The following SCARF1 variants were observed in gnomAD, a reference collection of about 807,000 sequenced individuals.
SCARF1 encodes acetyl LDL receptor.
In SCARF1, 49 loss-of-function variants were observed where a neutral mutation model predicts 76.3. The ratio of observed to expected loss-of-function variants is 0.64; its 90% confidence interval spans 0.51 to 0.81. The LOEUF (loss-of-function observed/expected upper bound fraction) is 0.81, where lower values mean the gene tolerates loss of function less well. Ranked by LOEUF, SCARF1 falls within the 40% of genes least tolerant of loss-of-function variation. The pLI is 0.00. For synonymous variants in SCARF1, 495 were observed against 474.6 expected, an observed-to-expected ratio of 1.04 and a Z score of -0.56; for missense variants, 1,098 against 1,143.9, an observed-to-expected ratio of 0.96 and a Z score of 0.58.
chr17:1,644,344 G>A lies in SCARF1; in HGVS notation c.266-377C>T. The A allele has an allele frequency of 3.5e-6, 1 of 284,086 alleles. No homozygotes were observed. The highest frequency in any genetic ancestry group is 6.6e-6 in the Non-Finnish European group (1 of 151,336). The allele number at this position is 284,086 out of a possible 1,614,324, so 17.6% of individuals were successfully genotyped here. Reference sequence around the variant, plus strand: ...AGAGCTGGCTTTCTCCTGATCTCAGGCCTGGATACTGCCCGCCAGGGTGTC... The same window carrying A: ...AGAGCTGGCTTTCTCCTGATCTCAGACCTGGATACTGCCCGCCAGGGTGTC... On this transcript the variant is annotated intron_variant, in intron 3 of 10. Coordinates refer to ENST00000263071, the MANE Select transcript of SCARF1 (RefSeq NM_003693.4). The surrounding 1 kb of genome is among the most constrained non-coding windows in gnomAD (Gnocchi z 4.8).
intron 8 of SCARF1, 163 bp downstream of exon 8, chr17:1,638,643 C>A (rs1598516890): frequency 1.0e-6 from 1 of 975,216 alleles, no homozygotes; most frequent in East Asian, 3.0e-5. Context: ...CCCCCATCAC[C>A]TCTGACCCAC....
At chr17:1,641,904 T>C (rs778357030) in intron 4 of SCARF1, among the ~76,000 whole-genome samples, 2 of 152,090 alleles carry the variant, frequency 1.3e-5, no homozygotes, top group African/African-American at 2.4e-5. Flanking sequence ...GTATTTTTAG[T>C]AGAGACGAGG....
chr17:1,643,900 G>C lies in SCARF1; in HGVS notation c.333C>G (p.Cys111Trp). Residue 111 changes from cysteine (C) to tryptophan (W), a missense_variant, in exon 4 of 11, where the codon TGC becomes TGG. Cys to Trp is a radical substitution (Grantham distance 215). Coordinates refer to ENST00000263071, the MANE Select transcript of SCARF1 (RefSeq NM_003693.4). ...ACTGGCACGCGCCCGTGGCTGGCTCGCACTGGCCGTGCGGGTGGCAGGGGC... is the reference window on the plus strand; with the variant it reads ...ACTGGCACGCGCCCGTGGCTGGCTCCCACTGGCCGTGCGGGTGGCAGGGGC... ...ESCPCHPHGQ[C>W]EPATGACQCQ... 1 of 1,331,120 alleles carries C rather than the reference G, an allele frequency of 7.5e-7. No homozygotes were observed. The highest frequency in any genetic ancestry group is 9.6e-7 in the Non-Finnish European group (1 of 1,044,546). The allele number at this position is 1,331,120 out of a possible 1,614,324, so 82.5% of individuals were successfully genotyped here.
At chr17:1,635,757 A>G in intron 10 of SCARF1, 140 bp from the exon 11 acceptor site, 1 of 987,098 alleles carries the variant, frequency 1.0e-6, no homozygotes, top group Non-Finnish European at 1.4e-6. Flanking sequence ...CAGAAGGACC[A>G]ATTCAGGTAG....
Position 1,635,136 on chromosome 17 carries a change from G to A in SCARF1, c.2115C>T (p.Val705=), listed in dbSNP as rs368925073. The part of the protein sequence containing the change: ...AGKPRGSEGP[V]RSVFRHFGSF... ...TACCAAAATGGCGGAAGACAGAGCG[G>A]ACAGGGCCTTCGGATCCGCGGGGCT... The change falls in exon 11 of 11, where the codon GTC becomes GTT. Residue 705 remains valine, a synonymous_variant. Coordinates refer to ENST00000263071, the MANE Select transcript of SCARF1 (RefSeq NM_003693.4). 1 of 1,613,648 alleles carries A rather than the reference G, an allele frequency of 6.2e-7. No individual in the cohort carries two copies. Among genetic ancestry groups the A allele is most frequent in the African/African-American group, 1.3e-5 (1 of 75,082 alleles).
In SCARF1 at chr17:1,633,989, A is replaced by G. The variant is rs1476640631; in HGVS notation, c.*769T>C. ...CTGTAGAAAATTTGCAAACTATACAAAAGTTTCAGAAGAAAATAAATATCA... is the reference window on the plus strand; with the variant it reads ...CTGTAGAAAATTTGCAAACTATACAGAAGTTTCAGAAGAAAATAAATATCA... On this transcript the variant is annotated 3_prime_UTR_variant, in exon 11 of 11. Transcript: ENST00000263071. 1 of 152,258 alleles carries G rather than the reference A, an allele frequency of 6.6e-6. No individual in the cohort carries two copies. Among genetic ancestry groups the G allele is most frequent in the Non-Finnish European group, 1.5e-5 (1 of 68,058 alleles). The allele number at this position is 152,258 out of a possible 1,614,324, so 9.4% of individuals were successfully genotyped here.
At position 1,643,896 on chromosome 17, in the gene SCARF1, G is replaced by T. The variant is rs1050140854; in HGVS notation, c.337C>A (p.Pro113Thr). Reference sequence around the variant, plus strand: ...TGGCACTGGCACGCGCCCGTGGCTGGCTCGCACTGGCCGTGCGGGTGGCAG... The same window carrying T: ...TGGCACTGGCACGCGCCCGTGGCTGTCTCGCACTGGCCGTGCGGGTGGCAG... ...CPCHPHGQCE[P>T]ATGACQCQAD... is the part of the protein sequence containing the mutation. The change falls in exon 4 of 11, where the codon CCA becomes ACA. Residue 113 changes from proline (P) to threonine (T), a missense_variant. Pro to Thr is a conservative substitution (Grantham distance 38). Coordinates refer to ENST00000263071, the MANE Select transcript of SCARF1 (RefSeq NM_003693.4). 1.6e-5 allele frequency: 21 copies of T among 1,329,310 alleles called. No homozygotes were observed. Among genetic ancestry groups the T allele is most frequent in the African/African-American group, 3.1e-5 (2 of 65,254 alleles). 82.3% of individuals were successfully genotyped at this position (1,329,310 alleles called of 1,614,324 possible).
chr17:1,635,376 C>T lies in SCARF1; in HGVS notation c.1875G>A (p.Ser625=), dbSNP rs762516708. 13 of 1,613,158 alleles carry T rather than the reference C, an allele frequency of 8.1e-6. No homozygotes were observed. Among genetic ancestry groups the T allele is most frequent in the African/African-American group, 2.7e-5 (2 of 74,908 alleles). The change falls in exon 11 of 11, where the codon TCG becomes TCA. Residue 625 remains serine (S), a synonymous_variant. Transcript: ENST00000263071. ...KPKRLSRGAQ[S]GPEGREAEES... Reference sequence around the variant, plus strand: ...CTTCGGCTTCCCGGCCCTCAGGACCCGACTGCGCCCCCCGGGAGAGCCTCT... The same window carrying T: ...CTTCGGCTTCCCGGCCCTCAGGACCTGACTGCGCCCCCCGGGAGAGCCTCT...
At chr17:1,636,138 T>C (rs185739904) in intron 10 of SCARF1, among the ~76,000 whole-genome samples, 92 of 152,260 alleles carry the variant, frequency 6.0e-4, no homozygotes, top group Admixed American at 6.0e-3. Context: ...GCCACACACA[T>C]CGTCCCTGAC....
chr17:1,642,089 C>A (rs924947596), intron 4 of SCARF1, among the ~76,000 whole-genome samples: 16 of 152,116 alleles, frequency 1.1e-4, no homozygotes, highest in Middle Eastern at 3.2e-3. Flanking sequence ...CTAAAGGGAC[C>A]TTGCTCAGGA....
intron 4 of SCARF1, among the ~76,000 whole-genome samples, chr17:1,641,442 A>C (rs933729950): frequency 6.6e-6 from 1 of 152,216 alleles, no homozygotes. Flanking sequence ...TCATATTATT[A>C]TTTCATTATA....
At position 1,635,446 on chromosome 17, in the gene SCARF1, C is replaced by T. The variant is rs771659806; in HGVS notation, c.1805G>A (p.Ser602Asn). 5 of 1,614,092 alleles carry T rather than the reference C, an allele frequency of 3.1e-6. No individual in the cohort carries two copies. Among genetic ancestry groups the T allele is most frequent in the African/African-American group, 1.3e-5 (1 of 75,068 alleles). Residue 602 changes from serine (S) to asparagine (N), a missense_variant, in exon 11 of 11, where the codon AGT becomes AAT. Transcript: ENST00000263071. ...FAEGTKFAPQ[S>N]RRSSGELSSP... ...GGAGAGCTCCCCTGAGCTTCGGCGA[C>T]TCTGTGGTGCAAACTTGGTACCTTC...
In SCARF1 at chr17:1,644,764, C is replaced by T. The variant is rs898686569; in HGVS notation, c.265+70G>A. Reference sequence around the variant, plus strand: ...CCTGAGGCTGCATGGCTACCTGCCTCGCCTGCTCCCACACCACTGCCCCCG... The same window carrying T: ...CCTGAGGCTGCATGGCTACCTGCCTTGCCTGCTCCCACACCACTGCCCCCG... On this transcript the variant is annotated intron_variant, in intron 3 of 10. Transcript: ENST00000263071. This position sits in a 1 kb window ranked among gnomAD's most constrained non-coding sequence, Gnocchi z 4.8. The T allele has an allele frequency of 8.3e-6, 12 of 1,443,712 alleles. No individual in the cohort carries two copies. The highest frequency in any genetic ancestry group is 5.8e-5 in the Admixed American group (3 of 51,284). 89.4% of individuals were successfully genotyped at this position (1,443,712 alleles called of 1,614,324 possible).
In SCARF1 at chr17:1,645,528, A is replaced by G; in HGVS notation, c.101+69T>C. ...CCCCTAACGGCCTCAACACCGGTTCAGCCACCCGCATCAGACTCCCACGAG... is the reference window on the plus strand; with the variant it reads ...CCCCTAACGGCCTCAACACCGGTTCGGCCACCCGCATCAGACTCCCACGAG... On this transcript the variant is annotated intron_variant, in intron 1 of 10. Transcript: ENST00000263071. This position sits in a 1 kb window ranked among gnomAD's most constrained non-coding sequence, Gnocchi z 6.3. 2 of 1,556,548 alleles carry G rather than the reference A, an allele frequency of 1.3e-6. No homozygotes were observed. Among genetic ancestry groups the G allele is most frequent in the Non-Finnish European group, 1.7e-6 (2 of 1,157,744 alleles).
rs1909593190 is a variant in SCARF1, at chr17:1,636,723, A to G, written c.1619T>C (p.Val540Ala). 1.9e-6 allele frequency: 3 copies of G among 1,613,922 alleles called. No homozygotes were observed. Among genetic ancestry groups the G allele is most frequent in the East Asian group, 2.2e-5 (1 of 44,894 alleles). Residue 540 changes from valine (V) to alanine (A), a missense_variant, in exon 10 of 11, where the codon GTG (valine) becomes GCG (alanine). By Grantham distance (64) the Val-to-Ala change is moderately conservative. Coordinates refer to ENST00000263071, the MANE Select transcript of SCARF1 (RefSeq NM_003693.4). ...GEADEVPAYC[V>A]PPQEGMVPVA... is the part of the protein sequence containing the mutation. ...TGGGGGGCTACCTTCTTGGGGTGGC[A>G]CACAGTAGGCAGGAACCTCATCTGC...
rs1046088395 is a variant in SCARF1 at position 1,639,076 on chromosome 17, G to T, written c.1244-150C>A. 77 of 796,516 alleles carry T rather than the reference G, an allele frequency of 9.7e-5. No individual in the cohort carries two copies. The African/African-American group carries it at 9.8e-4, about 10-fold the overall frequency. The allele number at this position is 796,516 out of a possible 1,614,324, so 49.3% of individuals were successfully genotyped here. On this transcript the variant is annotated intron_variant, in intron 7 of 10. Transcript: ENST00000263071. The stretch of plus-strand genomic sequence containing the variant: ...CTCTGCTGGCGTGTCCCCTCCACAG[G>T]TTCTTGCCCCTGAGGCCATGTCAGT...
Position 1,645,164 on chromosome 17 carries a change from T to A in SCARF1, c.163+14A>T. 6.2e-7 allele frequency: 1 copy of A among 1,613,856 alleles called. No individual in the cohort carries two copies. Among genetic ancestry groups the A allele is most frequent in the Non-Finnish European group, 8.5e-7 (1 of 1,179,940 alleles). On this transcript the variant is annotated intron_variant, in intron 2 of 10. Transcript: ENST00000263071. The surrounding 1 kb of genome is among the most constrained non-coding windows in gnomAD (Gnocchi z 6.3). ...TCCCTTCTCCTTGGCTGAGGGTCTG[T>A]CCTGGCTACTCACGGATGGTGCATT...
chr17:1,640,256 A>G lies in SCARF1; in HGVS notation c.1010+192T>C. 1.3e-6 allele frequency: 1 copy of G among 759,350 alleles called. No individual in the cohort carries two copies. The highest frequency in any genetic ancestry group is 1.9e-5 in the South Asian group (1 of 53,842). The allele number at this position is 759,350 out of a possible 1,614,324, so 47.0% of individuals were successfully genotyped here. A position where few individuals can be genotyped will look rare whatever the true frequency, so the allele number is the denominator to read the frequency against. On this transcript the variant is annotated intron_variant, in intron 5 of 10. Coordinates refer to ENST00000263071, the MANE Select transcript of SCARF1 (RefSeq NM_003693.4). This position sits in a 1 kb window ranked among gnomAD's most constrained non-coding sequence, Gnocchi z 4.7. ...GAGGGCGAGGAGGGCAGGAAGCCTC[A>G]GAGGGGAGGGAGCTGGGATCCTGCC...
rs754764838 is a variant in SCARF1, at chr17:1,645,574, C to G, written c.101+23G>C. Reference sequence around the variant, plus strand: ...ACGAGACCCACCTGCTGGCCACACGCATCAGACTCCCACGAGACCCACCTG... The same window carrying G: ...ACGAGACCCACCTGCTGGCCACACGGATCAGACTCCCACGAGACCCACCTG... On this transcript the variant is annotated intron_variant, in intron 1 of 10. Coordinates refer to ENST00000263071, the MANE Select transcript of SCARF1 (RefSeq NM_003693.4). This position sits in a 1 kb window ranked among gnomAD's most constrained non-coding sequence, Gnocchi z 6.3. 5.6e-6 allele frequency: 9 copies of G among 1,596,002 alleles called. No homozygotes were observed. Among genetic ancestry groups the G allele is most frequent in the Non-Finnish European group, 7.7e-6 (9 of 1,175,174 alleles).
Sources: gnomAD v4.1 joint callset for allele counts (sites outside exome capture counted in the v4.1 genomes callset) on GRCh38, gnomAD v4.1.1 for gene constraint, Gnocchi (gnomAD v3.1) non-coding constraint, MANE v1.5 for transcripts, NCBI Gene and HGNC (gene_info 2026-07-23, HGNC 2026-07-21) for gene names.